The following RTL4 variants were observed in gnomAD, a reference collection of about 807,000 sequenced individuals.
RTL4 encodes retrotransposon Gag like 4.
In RTL4, 4 loss-of-function variants were observed where a neutral mutation model predicts 5.3. That is an observed-to-expected ratio of 0.75 (90% CI 0.37 to 1.72). The LOEUF (loss-of-function observed/expected upper bound fraction) is 1.72. Ranked by LOEUF, RTL4 falls within the 40% of genes most tolerant of loss-of-function variation. RTL4 has a pLI of 0.04. For missense variants in RTL4, 260 were observed against 227.1 expected (o/e 1.14, Z -0.93); for synonymous variants, 98 against 87.3 (o/e 1.12, Z -0.68).
the RTL4 span, among the ~76,000 whole-genome samples, chrX:112,434,724 C>A: frequency 1.8e-5 from 2 of 111,699 alleles, no homozygotes; most frequent in South Asian, 7.5e-4. Flanking sequence ...GGACCAGAAA[C>A]CAGAAGTAAA....
chrX:112,374,902 A>C, the RTL4 span, among the ~76,000 whole-genome samples: 1 of 111,931 alleles, frequency 8.9e-6, no homozygotes, highest in African/African-American at 3.3e-5. Flanking sequence ...TGACTGGTTG[A>C]TGCCAGAGGA....
the RTL4 span, among the ~76,000 whole-genome samples, chrX:112,354,606 A>G: frequency 9.0e-6 from 1 of 111,624 alleles, no homozygotes; most frequent in Non-Finnish European, 1.9e-5. Context: ...GTGTTTTACA[A>G]AGGGAAACCT....
At chrX:112,391,938 G>T in the RTL4 span, among the ~76,000 whole-genome samples, 1 of 110,884 alleles carries the variant, frequency 9.0e-6, no homozygotes, top group African/African-American at 3.3e-5. Context: ...GTTAGCAATT[G>T]TTCAGTCCAG....
chrX:112,345,951 A>G, the RTL4 span, among the ~76,000 whole-genome samples: 3 of 112,003 alleles, frequency 2.7e-5, no homozygotes, highest in Non-Finnish European at 3.8e-5. Context: ...ATGATGATTT[A>G]TCATTAGGAT....
chrX:112,378,248 C>G, the RTL4 span, among the ~76,000 whole-genome samples: 2 of 110,935 alleles, frequency 1.8e-5, no homozygotes, highest in Non-Finnish European at 3.8e-5. Context: ...AGGAAAAATA[C>G]CAAGCTTGGT....
chrX:112,108,122 A>G, the RTL4 span, among the ~76,000 whole-genome samples: 2 of 110,846 alleles, frequency 1.8e-5, no homozygotes, highest in Non-Finnish European at 3.8e-5. Flanking sequence ...TATTTCATTC[A>G]TTGTACTTTG....
the RTL4 span, among the ~76,000 whole-genome samples, chrX:112,400,804 G>C: frequency 1.4e-4 from 16 of 111,848 alleles, no homozygotes; most frequent in African/African-American, 5.2e-4. Context: ...TTGAATACCT[G>C]AAGGGACACT....
the RTL4 span, among the ~76,000 whole-genome samples, chrX:112,127,113 G>C: frequency 2.7e-5 from 3 of 111,439 alleles, no homozygotes; most frequent in Admixed American, 9.6e-5. Flanking sequence ...TATATCATAA[G>C]AAAATAAAAC....
At chrX:112,139,826 T>G in the RTL4 span, among the ~76,000 whole-genome samples, 5 of 111,969 alleles carry the variant, frequency 4.5e-5, no homozygotes, top group African/African-American at 1.3e-4. Context: ...GAATCATGAG[T>G]GCAGTTTCCC....
the RTL4 span, among the ~76,000 whole-genome samples, chrX:112,358,260 C>A: frequency 9.6e-6 from 1 of 104,012 alleles, no homozygotes; most frequent in Non-Finnish European, 1.9e-5. Flanking sequence ...GCCACCATGG[C>A]CAGTTAACTT....
the RTL4 span, among the ~76,000 whole-genome samples, chrX:112,439,852 T>C: frequency 9.0e-6 from 1 of 111,534 alleles, no homozygotes; most frequent in African/African-American, 3.3e-5. Flanking sequence ...GGAAGCTTCC[T>C]GGGGCCCTCA....
the RTL4 span, among the ~76,000 whole-genome samples, chrX:112,325,752 A>G: frequency 8.9e-6 from 1 of 112,693 alleles, no homozygotes; most frequent in Non-Finnish European, 1.9e-5. Context: ...CAAGGACTTC[A>G]TGTCTAAAAC....
chrX:112,455,188 A>G, exon 1 of RTL4: 1 of 1,211,506 alleles, frequency 8.3e-7, no homozygotes. Flanking sequence ...TAAGTTTGAC[A>G]AAGGAGACAA....
At chrX:112,375,661 G>A in the RTL4 span, among the ~76,000 whole-genome samples, 1 of 111,492 alleles carries the variant, frequency 9.0e-6, no homozygotes, top group Non-Finnish European at 1.9e-5. Flanking sequence ...CTCCAACAGT[G>A]TGCTGAAACT....
chrX:112,114,131 AG>A, the RTL4 span, among the ~76,000 whole-genome samples: 1 of 111,624 alleles, frequency 9.0e-6, no homozygotes, highest in Non-Finnish European at 1.9e-5. Flanking sequence ...TAGCCACTCG[AG>A]GAAGGCAGAA....
the RTL4 span, among the ~76,000 whole-genome samples, chrX:112,107,759 A>G: frequency 4.5e-5 from 5 of 110,698 alleles, no homozygotes; most frequent in Non-Finnish European, 7.6e-5. Context: ...TTGATTTTTG[A>G]TGGTTTTAGT....
At chrX:112,101,353 A>C in the RTL4 span, among the ~76,000 whole-genome samples, 7 of 112,173 alleles carry the variant, frequency 6.2e-5, no homozygotes, top group African/African-American at 2.3e-4. Flanking sequence ...TGAATGAAGC[A>C]TGTTAACAAT....
At chrX:112,134,838 TC>T in the RTL4 span, among the ~76,000 whole-genome samples, 1 of 111,871 alleles carries the variant, frequency 8.9e-6, no homozygotes. Flanking sequence ...GTCTCTTAAC[TC>T]AATGTAATTA....
chrX:112,396,415 C>G, the RTL4 span, among the ~76,000 whole-genome samples: 1 of 111,369 alleles, frequency 9.0e-6, no homozygotes, highest in African/African-American at 3.3e-5. Flanking sequence ...TGTGAGTGCT[C>G]ACCTGATTTT....
Sources: gnomAD v4.1 joint callset for allele counts (sites outside exome capture counted in the v4.1 genomes callset) on GRCh38, gnomAD v4.1.1 for gene constraint, MANE v1.5 for transcripts, NCBI Gene and HGNC (gene_info 2026-07-23, HGNC 2026-07-21) for gene names.